Variants in BPIFC observed in about 807,000 individuals in gnomAD.
The protein encoded by BPIFC is BPI fold-containing family C protein.
A neutral mutation model predicts 57.6 loss-of-function variants in BPIFC; 60 were observed. The observed-to-expected ratio is 1.04, with a 90% CI of 0.85 to 1.29. The LOEUF (loss-of-function observed/expected upper bound fraction) is 1.29. Ranked by LOEUF, BPIFC falls within the 50% of genes most tolerant of loss-of-function variation. The pLI is 0.00. For missense variants in BPIFC, 581 were observed against 600.5 expected (o/e 0.97, Z 0.34); for synonymous variants, 243 against 224.5 (o/e 1.08, Z -0.74).
intron 5 of BPIFC, 137 bp downstream of exon 5, chr22:32,447,074 GA>G (rs1934750052): frequency 1.4e-5 from 17 of 1,254,954 alleles, no homozygotes; most frequent in Admixed American, 6.0e-5. Context: ...GCCTCACCTG[GA>G]AAAAAATGCT....
At chr22:32,431,436 A>ATTTATTTATTTATTTATT in intron 12 of BPIFC, 22 bp from the exon 13 acceptor site, 4 of 1,511,248 alleles carry the variant, frequency 2.6e-6, no homozygotes, top group Non-Finnish European at 3.7e-6. Context: ...AAAAGCATTT[A>ATTTATTTATTTATTTATT]TTATTAAGAC....
intron 2 of BPIFC, 135 bp from the exon 3 acceptor site, chr22:32,457,521 T>TC (rs1935065791): frequency 6.8e-5 from 65 of 960,226 alleles, no homozygotes; most frequent in Non-Finnish European, 9.5e-5. Flanking sequence ...ATCCATCCAT[T>TC]CATCCATCCA....
At chr22:32,449,407 T>C (rs548491044) in intron 4 of BPIFC, among the ~76,000 whole-genome samples, 5 of 152,362 alleles carry the variant, frequency 3.3e-5, no homozygotes, top group African/African-American at 1.2e-4. Flanking sequence ...ATAAATGTGA[T>C]AGCTGATAAG....
At chr22:32,455,676 T>C (rs987615323) in intron 3 of BPIFC, among the ~76,000 whole-genome samples, 10 of 152,152 alleles carry the variant, frequency 6.6e-5, no homozygotes, top group African/African-American at 2.4e-4. Context: ...AGTGCAGGTT[T>C]CAAGCTCCGG....
At chr22:32,436,318 G>GGAC in intron 9 of BPIFC, among the ~76,000 whole-genome samples, 1 of 118,864 alleles carries the variant, frequency 8.4e-6, no homozygotes, top group Non-Finnish European at 2.0e-5. Context: ...AAGAGGAAGA[G>GGAC]GAAGAAGAAG....
rs566845903 is a variant in BPIFC, at chr22:32,460,766, T to A, written c.-1+808A>T. On this transcript the variant is annotated intron_variant, in intron 2 of 16. Coordinates refer to ENST00000300399, the MANE Select transcript of BPIFC (RefSeq NM_174932.3). ...TTTAACCCTTGATCAAAATACATAT[T>A]TATTCATGCGTGTATGTTTCTTTTC... 3.3e-5 allele frequency among the ~76,000 whole-genome samples: 5 copies of A among 152,340 alleles called. No individual in the cohort carries two copies. The East Asian group carries it at 9.6e-4, about 29-fold the overall frequency.
rs145004357 is a variant in BPIFC at position 32,451,540 on chromosome 22, T to C, written c.245+1843A>G. On this transcript the variant is annotated intron_variant, in intron 4 of 16. Coordinates refer to ENST00000300399, the MANE Select transcript of BPIFC (RefSeq NM_174932.3). ...GGGGAATATCACACACCGGGGCCTG[T>C]TGTGGGGCAGGTTGGGGTAGGGTGG... Among the ~76,000 whole-genome samples, 1,004 of 152,078 alleles carry C rather than the reference T, an allele frequency of 6.6e-3. 10 individuals carry two copies. The highest frequency in any genetic ancestry group is 0.023 in the African/African-American group (938 of 41,466).
In BPIFC at chr22:32,431,374, C is replaced by G; in HGVS notation, c.1190G>C (p.Arg397Thr). The change falls in exon 13 of 17, where the codon AGA (arginine) becomes ACA (threonine). Residue 397 changes from arginine to threonine, a missense_variant. Transcript: ENST00000300399. The part of the protein sequence containing the change: ...TSVGLVILGQ[R>T]LVCSLSLNRF... The stretch of plus-strand genomic sequence containing the variant: ...GTTCAGAGACAAGGAGCAGACCAGT[C>G]TTTGTCCCAAAATAACCAGGCCAAC... 1 of 1,612,126 alleles carries G rather than the reference C, an allele frequency of 6.2e-7. No individual in the cohort carries two copies. Among genetic ancestry groups the G allele is most frequent in the Non-Finnish European group, 8.5e-7 (1 of 1,178,474 alleles).
rs948046977 is a variant in BPIFC, at chr22:32,461,615, G to A, written c.-42C>T. ...ATCCAGCTGATCTTCTGCTGTGCTG[G>A]GCCTTTCTTGATCCTTTAGTTGCCC... is the stretch of plus-strand genomic sequence containing the variant. On this transcript the variant is annotated 5_prime_UTR_variant, in exon 2 of 17. Coordinates refer to ENST00000300399, the MANE Select transcript of BPIFC (RefSeq NM_174932.3). 38 of 985,448 alleles carry A rather than the reference G, an allele frequency of 3.9e-5. No individual in the cohort carries two copies. The highest frequency in any genetic ancestry group is 4.6e-5 in the Non-Finnish European group (38 of 830,058). The allele number at this position is 985,448 out of a possible 1,614,324, so 61.0% of individuals were successfully genotyped here.
At chr22:32,458,742 C>T (rs1183985163) in intron 2 of BPIFC, among the ~76,000 whole-genome samples, 1 of 152,166 alleles carries the variant, frequency 6.6e-6, no homozygotes, top group Non-Finnish European at 1.5e-5. Flanking sequence ...TACACCATCC[C>T]GTATTGTGAC....
At chr22:32,440,180 GGATCTTGGCTCACTGCAT>G (rs900955171) in intron 8 of BPIFC, among the ~76,000 whole-genome samples, 5 of 152,102 alleles carry the variant, frequency 3.3e-5, no homozygotes, top group Non-Finnish European at 7.3e-5. Flanking sequence ...CACCTAGACT[GGATCTTGGCTCACTGCAT>G]GATCTTGGCT....
At chr22:32,458,671 GA>G (rs1023086926) in intron 2 of BPIFC, among the ~76,000 whole-genome samples, 4 of 152,214 alleles carry the variant, frequency 2.6e-5, no homozygotes, top group African/African-American at 9.6e-5. Context: ...CACAAGCTGT[GA>G]ATTGGGCCAT....
At position 32,414,286 on chromosome 22, in the gene BPIFC, G is replaced by A. The variant is rs747867462; in HGVS notation, c.*17C>T. ...TTAAGGACCATTTACTTCCTGGGGT[G>A]AATTGCAAACCGGCAATCAAGGGGC... On this transcript the variant is annotated 3_prime_UTR_variant, in exon 17 of 17. Coordinates refer to ENST00000300399, the MANE Select transcript of BPIFC (RefSeq NM_174932.3). 34 of 1,612,464 alleles carry A rather than the reference G, an allele frequency of 2.1e-5. No homozygotes were observed. Among genetic ancestry groups the A allele is most frequent in the Middle Eastern group, 1.6e-4 (1 of 6,078 alleles).
intron 9 of BPIFC, among the ~76,000 whole-genome samples, chr22:32,436,628 G>A (rs992087484): frequency 1.3e-5 from 2 of 152,196 alleles, no homozygotes; most frequent in African/African-American, 4.8e-5. Context: ...GTAACCCAAT[G>A]AGAACCCTTG....
intron 4 of BPIFC, 50 bp downstream of exon 4, chr22:32,453,333 G>A: frequency 7.5e-7 from 1 of 1,338,020 alleles, no homozygotes; most frequent in Middle Eastern, 2.1e-4. Context: ...TTCCTCCACT[G>A]TTTCCTTTGA....
rs990349696 is a variant in BPIFC at position 32,446,113 on chromosome 22, C to T, written c.375-117G>A. ...ACTGCAGTGACTTTGTCATGTTCAC[C>T]TCTGACTTCCTTGCACCTACAACAG... On this transcript the variant is annotated intron_variant, in intron 5 of 16. Coordinates refer to ENST00000300399, the MANE Select transcript of BPIFC (RefSeq NM_174932.3). 4.9e-6 allele frequency: 6 copies of T among 1,215,118 alleles called. No homozygotes were observed. In the Admixed American group the frequency reaches 1.2e-4, roughly 24 times the overall value. 75.3% of individuals were successfully genotyped at this position (1,215,118 alleles called of 1,614,324 possible).
chr22:32,438,093 G>GGTCCCCCTTATC (rs1191910203), intron 8 of BPIFC, among the ~76,000 whole-genome samples: 1 of 152,186 alleles, frequency 6.6e-6, no homozygotes, highest in Non-Finnish European at 1.5e-5. Context: ...AAATTTTGGT[G>GGTCCCCCTTATC]TGCAGTGGTC....
At chr22:32,436,121 C>T (rs972954484) in intron 9 of BPIFC, among the ~76,000 whole-genome samples, 2 of 151,918 alleles carry the variant, frequency 1.3e-5, no homozygotes, top group Non-Finnish European at 2.9e-5. Context: ...ATGGCAGGCC[C>T]CGTTTCTATA....
intron 13 of BPIFC, among the ~76,000 whole-genome samples, chr22:32,423,681 AC>A (rs2145916105): frequency 6.6e-6 from 1 of 151,610 alleles, no homozygotes; most frequent in South Asian, 2.1e-4. Context: ...CAAAAAAAAA[AC>A]AAAAAAACCT....
Sources: gnomAD v4.1 joint callset for allele counts (sites outside exome capture counted in the v4.1 genomes callset) on GRCh38, gnomAD v4.1.1 for gene constraint, MANE v1.5 for transcripts, NCBI Gene and HGNC (gene_info 2026-07-23, HGNC 2026-07-21) for gene names.